The following CNKSR2 variants were observed in gnomAD, a reference collection of about 807,000 sequenced individuals.
CNKSR2 encodes the protein connector enhancer of kinase suppressor of Ras 2.
Under a neutral mutation model 84.4 loss-of-function variants are expected in CNKSR2, and 14 were observed. The ratio of observed to expected loss-of-function variants is 0.17; its 90% confidence interval spans 0.11 to 0.26. CNKSR2 has a LOEUF of 0.26. Among genes scored for constraint, CNKSR2 ranks in the 10% least tolerant of loss-of-function variants. The probability of loss-of-function intolerance (pLI) is 1.00; values close to 1 mark genes in which losing one functional copy is unlikely to be tolerated. For missense variants in CNKSR2, 485 were observed against 771.2 expected, an observed-to-expected ratio of 0.63 and a Z score of 4.40; for synonymous variants, 275 against 277.9, an observed-to-expected ratio of 0.99 and a Z score of 0.10.
intron 3 of CNKSR2, among the ~76,000 whole-genome samples, chrX:21,438,058 G>C (rs2090732846): frequency 8.9e-6 from 1 of 111,799 alleles, no homozygotes; most frequent in Non-Finnish European, 1.9e-5. Context: ...TCATGAAAGA[G>C]AGCCTATAAT....
chrX:21,632,986 A>AAT (rs774276066), intron 20 of CNKSR2, among the ~76,000 whole-genome samples: 27 of 99,189 alleles, frequency 2.7e-4, no homozygotes, highest in African/African-American at 7.1e-4. Flanking sequence ...ACACTTATAT[A>AAT]ATATACACAC....
chrX:21,609,499 G>T lies in CNKSR2; in HGVS notation c.2574G>T (p.Leu858=), dbSNP rs2092538220. The change falls in exon 20 of 22, where the codon CTG becomes CTT. Residue 858 remains leucine (L), a synonymous_variant. Transcript: ENST00000379510. The stretch of plus-strand genomic sequence containing the variant: ...ATAGCGGGTTCAACCATTGCTGTCT[G>T]AATGCTCCAGTTAGTGCCTGTGACC... ...PRDSGFNHCC[L]NAPVSACDPQ... 6.6e-6 allele frequency: 8 copies of T among 1,211,264 alleles called. No individual in the cohort carries two copies. Among genetic ancestry groups the T allele is most frequent in the Non-Finnish European group, 7.8e-6 (7 of 895,454 alleles).
chrX:21,538,305 A>G (rs1355294198), intron 11 of CNKSR2: 1 of 111,595 alleles, frequency 9.0e-6, no homozygotes, highest in African/African-American at 3.3e-5. Context: ...ATCCACTGTT[A>G]TTCTGATGGA....
chrX:21,498,443 A>G (rs1182140375), intron 7 of CNKSR2, among the ~76,000 whole-genome samples: 1 of 108,149 alleles, frequency 9.2e-6, no homozygotes, highest in Non-Finnish European at 1.9e-5. Context: ...ATATTTGCGA[A>G]CCACCATAAG....
intron 11 of CNKSR2, among the ~76,000 whole-genome samples, chrX:21,547,283 C>T (rs2092036399): frequency 9.0e-6 from 1 of 111,168 alleles, no homozygotes; most frequent in Non-Finnish European, 1.9e-5. Flanking sequence ...AGTTGCAATC[C>T]TAGTCTCTGA....
At chrX:21,574,670 A>G (rs2147216211) in intron 13 of CNKSR2, among the ~76,000 whole-genome samples, 1 of 111,272 alleles carries the variant, frequency 9.0e-6, no homozygotes, top group South Asian at 3.9e-4. Flanking sequence ...GAATTATGGG[A>G]ACTACAACTC....
chrX:21,529,880 C>T (rs1387811264), intron 10 of CNKSR2, among the ~76,000 whole-genome samples: 1 of 110,933 alleles, frequency 9.0e-6, no homozygotes, highest in Non-Finnish European at 1.9e-5. Flanking sequence ...CCATCCCTTT[C>T]AATTTCCTGC....
chrX:21,440,644 C>A, intron 3 of CNKSR2, 50 bp from the exon 4 acceptor site: 1 of 707,751 alleles, frequency 1.4e-6, no homozygotes, highest in South Asian at 2.9e-5. Context: ...TATTTTGGGA[C>A]TTTTCAAAAG....
intron 9 of CNKSR2, among the ~76,000 whole-genome samples, chrX:21,517,329 G>C (rs1306119033): frequency 9.0e-6 from 1 of 110,512 alleles, no homozygotes. Flanking sequence ...AGGCTGTAGT[G>C]AGCTCTGATC....
At chrX:21,426,935 T>A (rs976431906) in intron 2 of CNKSR2, 2 of 306,834 alleles carry the variant, frequency 6.5e-6, no homozygotes, top group Non-Finnish European at 1.1e-5. Flanking sequence ...GGGCTCTTCA[T>A]AGATGAACCA....
intron 18 of CNKSR2, among the ~76,000 whole-genome samples, chrX:21,603,819 G>A (rs1030471291): frequency 1.8e-5 from 2 of 110,810 alleles, no homozygotes; most frequent in Non-Finnish European, 3.8e-5. Context: ...GAAATATATT[G>A]TATTTCTTCG....
chrX:21,613,022 G>T (rs934890920), intron 20 of CNKSR2, among the ~76,000 whole-genome samples: 7 of 111,985 alleles, frequency 6.3e-5, no homozygotes, highest in African/African-American at 2.3e-4. Flanking sequence ...CATATTAATT[G>T]TCTTGACCTG....
rs749477899 is a variant in CNKSR2, at chrX:21,621,753, C to T, written c.2692+12136C>T. The stretch of plus-strand genomic sequence containing the variant: ...GTAAGACACACTGCCCAGGGTTTTC[C>T]TCTTCCCTTCCAACTTAGAGATACT... On this transcript the variant is annotated intron_variant, in intron 20 of 21. Transcript: ENST00000379510. Among the ~76,000 whole-genome samples the T allele has an allele frequency of 2.7e-5, 3 of 110,746 alleles. No homozygotes were observed. The East Asian group carries it at 8.4e-4, about 31-fold the overall frequency.
chrX:21,573,912 T>C (rs1306611363), intron 13 of CNKSR2, among the ~76,000 whole-genome samples: 1 of 111,948 alleles, frequency 8.9e-6, no homozygotes, highest in East Asian at 2.8e-4. Context: ...GTTTTTCTTT[T>C]CTACTGCATT....
intron 13 of CNKSR2, among the ~76,000 whole-genome samples, chrX:21,586,256 T>G (rs2092387537): frequency 8.9e-6 from 1 of 111,910 alleles, no homozygotes; most frequent in African/African-American, 3.3e-5. Context: ...AAGCAGAGCT[T>G]CCTCATTCAT....
intron 15 of CNKSR2, chrX:21,594,502 T>G (rs903830078): frequency 8.0e-5 from 9 of 111,960 alleles, no homozygotes; most frequent in African/African-American, 2.9e-4. Flanking sequence ...AAAAGATCAT[T>G]GTTGCATAAT....
At chrX:21,554,450 G>C (rs1011318988) in intron 11 of CNKSR2, among the ~76,000 whole-genome samples, 2 of 110,938 alleles carry the variant, frequency 1.8e-5, no homozygotes, top group African/African-American at 6.6e-5. Context: ...ACTAGTACCC[G>C]TTAGTTGTTT....
intron 1 of CNKSR2, chrX:21,422,074 A>G (rs138242477): frequency 8.9e-6 from 1 of 111,776 alleles, no homozygotes; most frequent in African/African-American, 3.2e-5. Flanking sequence ...AGAAATTTAT[A>G]TACTGGAGCT....
At position 21,618,693 on chromosome X, in the gene CNKSR2, T is replaced by C. The variant is rs1456471950; in HGVS notation, c.2692+9076T>C. Among the ~76,000 whole-genome samples, 4 of 112,117 alleles carry C rather than the reference T, an allele frequency of 3.6e-5. No homozygotes were observed. In the East Asian group the frequency reaches 1.1e-3, roughly 31 times the overall value. On this transcript the variant is annotated intron_variant, in intron 20 of 21. Coordinates refer to ENST00000379510, the MANE Select transcript of CNKSR2 (RefSeq NM_014927.5). ...TCTTAGATTTTCTGACATTTCAATA[T>C]CTAGATTTAGCCAGCTAAAATGCAA...
Sources: gnomAD v4.1 joint callset for allele counts (sites outside exome capture counted in the v4.1 genomes callset) on GRCh38, gnomAD v4.1.1 for gene constraint, MANE v1.5 for transcripts, NCBI Gene and HGNC (gene_info 2026-07-23, HGNC 2026-07-21) for gene names.